The following TSG101 variants were observed in gnomAD, a reference collection of about 807,000 sequenced individuals.
TSG101 encodes the protein tumor susceptibility 101.
Under a neutral mutation model 48.5 loss-of-function variants are expected in TSG101, and 19 were observed. That is an observed-to-expected ratio of 0.39 (90% CI 0.27 to 0.58). The LOEUF (loss-of-function observed/expected upper bound fraction) is 0.58, where lower values mean the gene tolerates loss of function less well. Among genes scored for constraint, TSG101 ranks in the 20% least tolerant of loss-of-function variants. TSG101 has a pLI of 0.55. For missense variants in TSG101, 365 were observed against 484.4 expected, an observed-to-expected ratio of 0.75 and a Z score of 2.31; for synonymous variants, 174 against 169.4, an observed-to-expected ratio of 1.03 and a Z score of -0.21.
intron 7 of TSG101, among the ~76,000 whole-genome samples, chr11:18,492,934 G>A (rs72871713): frequency 0.021 from 3,157 of 152,212 alleles, 39 homozygotes; most frequent in Non-Finnish European, 0.03. Flanking sequence ...AAGATTTGGT[G>A]GAAGATTCTC....
rs534023435 is a variant in TSG101 at position 18,480,393 on chromosome 11, G to A, written c.*153C>T. ...ATAGAAAGTGCATTAATAAAAGCCA[G>A]TCTTTACCAAAAGAAAACAGAAAAT... is the stretch of plus-strand genomic sequence containing the variant. On this transcript the variant is annotated 3_prime_UTR_variant, in exon 10 of 10. Transcript: ENST00000251968. 1 of 584,590 alleles carries A rather than the reference G, an allele frequency of 1.7e-6. No individual in the cohort carries two copies. The highest frequency in any genetic ancestry group is 2.9e-6 in the Non-Finnish European group (1 of 349,658). 36.2% of individuals were successfully genotyped at this position (584,590 alleles called of 1,614,324 possible).
At chr11:18,496,272 G>A (rs1487286946) in intron 7 of TSG101, among the ~76,000 whole-genome samples, 2 of 151,492 alleles carry the variant, frequency 1.3e-5, no homozygotes. Context: ...GACCAGCCTG[G>A]CTAACATACA....
At chr11:18,520,066 C>G (rs1204634977) in intron 1 of TSG101, among the ~76,000 whole-genome samples, 1 of 152,172 alleles carries the variant, frequency 6.6e-6, no homozygotes, top group Non-Finnish European at 1.5e-5. Context: ...AGCAATCACC[C>G]CCCATTCTAC....
At chr11:18,518,468 T>C (rs1850215784) in intron 2 of TSG101, among the ~76,000 whole-genome samples, 1 of 152,192 alleles carries the variant, frequency 6.6e-6, no homozygotes, top group African/African-American at 2.4e-5. Context: ...GAGACAGGGT[T>C]GAAGAAATTA....
intron 8 of TSG101, among the ~76,000 whole-genome samples, chr11:18,482,805 CCTTTT>C (rs1251568788): frequency 2.0e-5 from 3 of 152,310 alleles, no homozygotes; most frequent in Admixed American, 1.3e-4. Flanking sequence ...ATAGTACTGT[CCTTTT>C]AAGTCTGCTC....
At chr11:18,514,558 G>C in intron 4 of TSG101, 120 bp downstream of exon 4, 1 of 702,972 alleles carries the variant, frequency 1.4e-6, no homozygotes, top group Non-Finnish European at 2.1e-6. Flanking sequence ...TCAGTGATTA[G>C]TCCATTATCT....
At chr11:18,516,645 T>G (rs1276885794) in intron 2 of TSG101, among the ~76,000 whole-genome samples, 1 of 151,822 alleles carries the variant, frequency 6.6e-6, no homozygotes, top group African/African-American at 2.4e-5. Context: ...TTAAAACTAT[T>G]TAAAAATCAC....
At chr11:18,525,275 G>A (rs1329070464) in intron 1 of TSG101, among the ~76,000 whole-genome samples, 1 of 152,072 alleles carries the variant, frequency 6.6e-6, no homozygotes. Flanking sequence ...GGCCAGGTGT[G>A]GTGGCTCACG....
At chr11:18,486,369 G>A (rs1849621250) in intron 7 of TSG101, among the ~76,000 whole-genome samples, 1 of 152,212 alleles carries the variant, frequency 6.6e-6, no homozygotes, top group Non-Finnish European at 1.5e-5. Flanking sequence ...CAGAGTGACT[G>A]AGAAGAAAAT....
chr11:18,514,211 T>C (rs1486869332), intron 4 of TSG101, among the ~76,000 whole-genome samples: 1 of 152,226 alleles, frequency 6.6e-6, no homozygotes, highest in Non-Finnish European at 1.5e-5. Flanking sequence ...TAAACAGCTT[T>C]CCAAAGCCTT....
At position 18,484,075 on chromosome 11, in the gene TSG101, G is replaced by T; in HGVS notation, c.641-3C>A. ...GATTGTGCCATCCCTACTGGGACCTGCAGGAAACAGAGGCAAAAAACACTT... is the reference window on the plus strand; with the variant it reads ...GATTGTGCCATCCCTACTGGGACCTTCAGGAAACAGAGGCAAAAAACACTT... On this transcript the variant is annotated splice_region_variant and splice_polypyrimidine_tract_variant and intron_variant, in intron 7 of 9. Coordinates refer to ENST00000251968, the MANE Select transcript of TSG101 (RefSeq NM_006292.4). 6.2e-7 allele frequency: 1 copy of T among 1,613,662 alleles called. No homozygotes were observed. Among genetic ancestry groups the T allele is most frequent in the South Asian group, 1.1e-5 (1 of 91,076 alleles).
intron 7 of TSG101, among the ~76,000 whole-genome samples, chr11:18,499,370 G>T (rs1463719033): frequency 5.6e-3 from 206 of 37,096 alleles, no homozygotes; most frequent in African/African-American, 7.5e-3. Context: ...ATATAAATAT[G>T]TTTATATTTA....
Position 18,514,177 on chromosome 11 carries a change from T to C in TSG101, c.357+501A>G, listed in dbSNP as rs531013363. Among the ~76,000 whole-genome samples the C allele has an allele frequency of 3.3e-5, 5 of 152,328 alleles. No homozygotes were observed. In the South Asian group the frequency reaches 8.3e-4, roughly 25 times the overall value. On this transcript the variant is annotated intron_variant, in intron 4 of 9. Transcript: ENST00000251968. ...TTGCTGTTTTCTTCTCTACAGAATCTTGGCCATACATGTCTTGATTGCCTA... is the reference window on the plus strand; with the variant it reads ...TTGCTGTTTTCTTCTCTACAGAATCCTGGCCATACATGTCTTGATTGCCTA...
At position 18,480,344 on chromosome 11, in the gene TSG101, T is replaced by C; in HGVS notation, c.*202A>G. 7.7e-6 allele frequency: 3 copies of C among 391,498 alleles called. No homozygotes were observed. Among genetic ancestry groups the C allele is most frequent in the Non-Finnish European group, 1.4e-5 (3 of 219,224 alleles). 24.3% of individuals were successfully genotyped at this position (391,498 alleles called of 1,614,324 possible). A position where few individuals can be genotyped will look rare whatever the true frequency, so the allele number is the denominator to read the frequency against. The stretch of plus-strand genomic sequence containing the variant: ...CAAATTTTATTTAGCAGTCCCAACA[T>C]TCAGCACAAAAAGTTTACAGAGGAT... On this transcript the variant is annotated 3_prime_UTR_variant, in exon 10 of 10. Coordinates refer to ENST00000251968, the MANE Select transcript of TSG101 (RefSeq NM_006292.4).
rs1321947216 is a variant in TSG101, at chr11:18,526,923, C to A, written c.-107G>T. Reference sequence around the variant, plus strand: ...ACACCCCCAACCCGGCCTCAAACAACAGGAAGTCGGCACCACTACACCACT... The same window carrying A: ...ACACCCCCAACCCGGCCTCAAACAAAAGGAAGTCGGCACCACTACACCACT... On this transcript the variant is annotated 5_prime_UTR_variant, in exon 1 of 10. Coordinates refer to ENST00000251968, the MANE Select transcript of TSG101 (RefSeq NM_006292.4). The A allele has an allele frequency of 2.3e-6, 3 of 1,292,918 alleles. No individual in the cohort carries two copies. Among genetic ancestry groups the A allele is most frequent in the Non-Finnish European group, 3.2e-6 (3 of 937,954 alleles). The allele number at this position is 1,292,918 out of a possible 1,614,324, so 80.1% of individuals were successfully genotyped here.
intron 3 of TSG101, 131 bp downstream of exon 3, chr11:18,515,968 G>T: frequency 1.4e-6 from 1 of 703,572 alleles, no homozygotes; most frequent in Non-Finnish European, 2.2e-6. Context: ...ACTTCAATTT[G>T]AATAGAAGTT....
chr11:18,496,768 T>C (rs903354976), intron 7 of TSG101, among the ~76,000 whole-genome samples: 14 of 152,070 alleles, frequency 9.2e-5, no homozygotes, highest in African/African-American at 3.1e-4. Context: ...CACTCCAGCC[T>C]GAGCAAGAGA....
chr11:18,485,595 AATT>A (rs2133903463), intron 7 of TSG101, among the ~76,000 whole-genome samples: 1 of 152,288 alleles, frequency 6.6e-6, no homozygotes, highest in South Asian at 2.1e-4. Flanking sequence ...AGAAGAAGGT[AATT>A]ATTAAAATTG....
At chr11:18,494,685 C>T (rs1200748841) in intron 7 of TSG101, among the ~76,000 whole-genome samples, 1 of 152,164 alleles carries the variant, frequency 6.6e-6, no homozygotes, top group East Asian at 1.9e-4. Context: ...GGCAGTTATT[C>T]CCAAAGGAAG....
Sources: allele counts gnomAD v4.1 joint callset (sites outside exome capture counted in the v4.1 genomes callset), GRCh38; gene constraint gnomAD v4.1.1; transcripts MANE v1.5; gene names NCBI Gene and HGNC (gene_info 2026-07-23, HGNC 2026-07-21).